NCKAP5: variants seen among roughly 807,000 people sequenced by gnomAD.
The protein encoded by NCKAP5 is NCK associated protein 5.
A neutral mutation model predicts 167.0 loss-of-function variants in NCKAP5; 92 were observed. The observed-to-expected ratio is 0.55, with a 90% CI of 0.47 to 0.66. The LOEUF is 0.66. Ranked by LOEUF, NCKAP5 falls within the 30% of genes least tolerant of loss-of-function variation. The pLI, the probability that NCKAP5 is intolerant of heterozygous loss-of-function variation, is 0.00. For synonymous variants in NCKAP5, 891 were observed against 877.4 expected, an observed-to-expected ratio of 1.02 and a Z score of -0.27; for missense variants, 2,378 against 2,315.0, an observed-to-expected ratio of 1.03 and a Z score of -0.56.
intron 4 of NCKAP5, among the ~76,000 whole-genome samples, chr2:133,254,802 C>A (rs2088532578): frequency 6.6e-6 from 1 of 152,008 alleles, no homozygotes; most frequent in African/African-American, 2.4e-5. Context: ...TTATGTTTTT[C>A]ATAAAGTATA....
the NCKAP5 span, among the ~76,000 whole-genome samples, chr2:133,583,451 A>G: frequency 2.1e-5 from 3 of 141,102 alleles, no homozygotes; most frequent in Non-Finnish European, 1.6e-5. Context: ...CCTCTCCAGA[A>G]GCAGATGCCA....
At chr2:133,633,318 C>T in the NCKAP5 span, among the ~76,000 whole-genome samples, 1 of 152,222 alleles carries the variant, frequency 6.6e-6, no homozygotes, top group Non-Finnish European at 1.5e-5. Context: ...AAACCCAGAA[C>T]GGCCGCTTGG....
intron 3 of NCKAP5, among the ~76,000 whole-genome samples, chr2:133,323,310 C>A (rs966256325): frequency 3.9e-5 from 6 of 152,158 alleles, no homozygotes; most frequent in Non-Finnish European, 4.4e-5. Flanking sequence ...GAGATCTCAG[C>A]AAACATTAGT....
At chr2:132,808,775 G>A (rs780326145) in intron 11 of NCKAP5, among the ~76,000 whole-genome samples, 1 of 151,638 alleles carries the variant, frequency 6.6e-6, no homozygotes, top group East Asian at 1.9e-4. Context: ...ATTTAGTTCT[G>A]CTGTGATCTT....
chr2:133,068,290 C>A (rs142969442), intron 6 of NCKAP5, among the ~76,000 whole-genome samples: 1 of 152,326 alleles, frequency 6.6e-6, no homozygotes, highest in South Asian at 2.1e-4. Context: ...CAGGACAGAG[C>A]TGCAAATGTC....
chr2:133,265,372 C>T (rs2089142808), intron 4 of NCKAP5, among the ~76,000 whole-genome samples: 1 of 152,112 alleles, frequency 6.6e-6, no homozygotes, highest in Non-Finnish European at 1.5e-5. Flanking sequence ...GTCCTAACAG[C>T]CCTTTTTCTC....
Position 133,414,296 on chromosome 2 carries a change from C to T in NCKAP5, c.69+103162G>A, listed in dbSNP as rs1195076837. On this transcript the variant is annotated intron_variant, in intron 3 of 19. Coordinates refer to ENST00000409261, the MANE Select transcript of NCKAP5 (RefSeq NM_207363.3). ...TCCATATATGTGTGCTCTATGATTC[C>T]AAGACAAGGTGCCATTCCAAATGGA... Among the ~76,000 whole-genome samples, 3 of 152,280 alleles carry T rather than the reference C, an allele frequency of 2.0e-5. No individual in the cohort carries two copies. In the East Asian group the frequency reaches 5.8e-4, roughly 29 times the overall value.
At chr2:133,285,240 C>G (rs1020653233) in intron 4 of NCKAP5, among the ~76,000 whole-genome samples, 6 of 152,206 alleles carry the variant, frequency 3.9e-5, no homozygotes, top group Non-Finnish European at 7.3e-5. Context: ...CAATGTCTAG[C>G]AAGCATTTGA....
chr2:133,179,237 T>TG (rs1310807750), intron 5 of NCKAP5, among the ~76,000 whole-genome samples: 2 of 152,006 alleles, frequency 1.3e-5, no homozygotes, highest in East Asian at 3.9e-4. Flanking sequence ...ATTTGGTTTT[T>TG]TTTTTTTTTT....
chr2:133,642,771 G>C, the NCKAP5 span, among the ~76,000 whole-genome samples: 1 of 152,194 alleles, frequency 6.6e-6, no homozygotes, highest in African/African-American at 2.4e-5. Context: ...AGATGAACTA[G>C]ATTCCTGGCT....
intron 15 of NCKAP5, among the ~76,000 whole-genome samples, chr2:132,778,525 T>G (rs1173274354): frequency 6.6e-6 from 1 of 152,138 alleles, no homozygotes; most frequent in Admixed American, 6.5e-5. Flanking sequence ...ATAATCTTAG[T>G]TTGTAAAGAA....
chr2:133,499,137 A>G (rs1225681971), intron 3 of NCKAP5, among the ~76,000 whole-genome samples: 1 of 152,216 alleles, frequency 6.6e-6, no homozygotes, highest in African/African-American at 2.4e-5. Flanking sequence ...AAATGGCTTT[A>G]TCATTTTGTT....
chr2:132,692,294 C>A (rs958434638), intron 19 of NCKAP5, among the ~76,000 whole-genome samples: 1 of 152,006 alleles, frequency 6.6e-6, no homozygotes, highest in Non-Finnish European at 1.5e-5. Context: ...AGGTGTCCAC[C>A]ACCATGCCCA....
intron 3 of NCKAP5, among the ~76,000 whole-genome samples, chr2:133,443,237 T>C (rs892341992): frequency 1.3e-5 from 2 of 152,222 alleles, no homozygotes; most frequent in Admixed American, 6.5e-5. Flanking sequence ...CAGTGTGAAC[T>C]TCACAAGTCC....
chr2:132,978,308 C>T (rs1305023587), intron 7 of NCKAP5, among the ~76,000 whole-genome samples: 2 of 152,162 alleles, frequency 1.3e-5, no homozygotes, highest in Non-Finnish European at 1.5e-5. Context: ...CTAGATTTCA[C>T]CAGTAGCCAT....
At chr2:132,847,717 G>A (rs1688769645) in intron 11 of NCKAP5, among the ~76,000 whole-genome samples, 3 of 152,178 alleles carry the variant, frequency 2.0e-5, no homozygotes, top group Non-Finnish European at 2.9e-5. Context: ...AAAAGTCATT[G>A]TGGAAGAACT....
chr2:133,603,228 C>CTTTT, the NCKAP5 span, among the ~76,000 whole-genome samples: 17 of 137,902 alleles, frequency 1.2e-4, no homozygotes, highest in East Asian at 2.1e-4. Flanking sequence ...CTTTTTCTTT[C>CTTTT]TTTTTTTTTT....
intron 6 of NCKAP5, among the ~76,000 whole-genome samples, chr2:133,086,017 T>A (rs1276760835): frequency 6.6e-6 from 1 of 152,156 alleles, no homozygotes; most frequent in Non-Finnish European, 1.5e-5. Flanking sequence ...TACCAGAATC[T>A]TCTTCTCTCA....
intron 3 of NCKAP5, among the ~76,000 whole-genome samples, chr2:133,448,199 T>C (rs762073967): frequency 3.3e-5 from 5 of 151,964 alleles, no homozygotes; most frequent in Non-Finnish European, 5.9e-5. Flanking sequence ...GTTGGATTTA[T>C]TCTCCCCTTT....
Sources: allele counts gnomAD v4.1 joint callset (sites outside exome capture counted in the v4.1 genomes callset), GRCh38; gene constraint gnomAD v4.1.1; transcripts MANE v1.5; gene names NCBI Gene and HGNC (gene_info 2026-07-23, HGNC 2026-07-21).